The following TG variants were observed in gnomAD, a reference collection of about 807,000 sequenced individuals.
TG encodes thyroglobulin, also known as thyroid hormones.
A neutral mutation model predicts 324.7 loss-of-function variants in TG; 270 were observed. The ratio of observed to expected loss-of-function variants is 0.83; its 90% confidence interval spans 0.75 to 0.92. The LOEUF is 0.92. TG is among the 40% of genes least tolerant of loss of function. The pLI, the probability that TG is intolerant of heterozygous loss-of-function variation, is 0.00. For synonymous variants in TG, 1,401 were observed against 1,327.0 expected (o/e 1.06, Z -1.21); for missense variants, 3,591 against 3,456.4 (o/e 1.04, Z -0.98).
chr8:132,867,321 C>G (rs1297988201), intron 1 of TG, among the ~76,000 whole-genome samples: 1 of 152,072 alleles, frequency 6.6e-6, no homozygotes, highest in Non-Finnish European at 1.5e-5. Context: ...ATTCTAGGTC[C>G]TCCTCACCCC....
chr8:132,867,562 A>G (rs1351512495), intron 1 of TG, among the ~76,000 whole-genome samples: 1 of 151,302 alleles, frequency 6.6e-6, no homozygotes, highest in African/African-American at 2.4e-5. Context: ...GTAAACAAAT[A>G]ACACACACCT....
chr8:133,050,081 G>A, intron 41 of TG: 2 of 853,436 alleles, frequency 2.3e-6, no homozygotes, highest in Admixed American at 3.5e-5. Context: ...ACCCAGGACA[G>A]TTTGGAACAT....
rs148827261 is a variant in TG, at chr8:133,034,557, C to T, written c.7239+4534C>T. ...TTCCTCGTTATTCTGCAAATAATGG[C>T]GGGTTTATTTCTATACCTATTGAAG... On this transcript the variant is annotated intron_variant, in intron 41 of 47. Coordinates refer to ENST00000220616, the MANE Select transcript of TG (RefSeq NM_003235.5). Among the ~76,000 whole-genome samples the T allele has an allele frequency of 5.3e-5, 8 of 152,194 alleles. No individual in the cohort carries two copies. In the East Asian group the frequency reaches 1.2e-3, roughly 22 times the overall value.
intron 40 of TG, among the ~76,000 whole-genome samples, chr8:133,027,399 C>T (rs920706277): frequency 1.1e-4 from 17 of 152,188 alleles, no homozygotes; most frequent in Admixed American, 2.0e-4. Flanking sequence ...TGGTGTCTTG[C>T]CCCTGGGCCC....
chr8:132,905,980 A>C (rs1033631150), intron 16 of TG, among the ~76,000 whole-genome samples: 5 of 152,122 alleles, frequency 3.3e-5, no homozygotes, highest in Non-Finnish European at 7.4e-5. Context: ...ATGAGAGTGA[A>C]GAGGAAGGCA....
intron 45 of TG, among the ~76,000 whole-genome samples, chr8:133,123,775 G>A (rs568836660): frequency 2.0e-4 from 30 of 152,300 alleles, no homozygotes; most frequent in African/African-American, 3.4e-4. Context: ...AGAGAGCACC[G>A]GTTTGTTCTC....
chr8:133,021,516 G>T (rs1835561900), intron 39 of TG, among the ~76,000 whole-genome samples: 1 of 152,172 alleles, frequency 6.6e-6, no homozygotes, highest in African/African-American at 2.4e-5. Flanking sequence ...TTTAATAGTT[G>T]CTCAGGCTGC....
At chr8:132,879,643 C>T (rs1026742843) in intron 5 of TG, among the ~76,000 whole-genome samples, 1 of 152,184 alleles carries the variant, frequency 6.6e-6, no homozygotes, top group Non-Finnish European at 1.5e-5. Flanking sequence ...AAGAACAGCC[C>T]TAGAGAGCCC....
intron 10 of TG, among the ~76,000 whole-genome samples, chr8:132,890,206 A>G (rs1816032486): frequency 6.6e-6 from 1 of 152,136 alleles, no homozygotes; most frequent in African/African-American, 2.4e-5. Context: ...ATCTCTATTC[A>G]GTATTTCCTA....
intron 41 of TG, among the ~76,000 whole-genome samples, chr8:133,071,702 A>G (rs568808205): frequency 6.6e-6 from 1 of 152,208 alleles, no homozygotes; most frequent in Admixed American, 6.5e-5. Flanking sequence ...TTCAGCTCCC[A>G]GGGTTAGTGG....
chr8:133,115,853 A>C (rs1206684261), intron 44 of TG, among the ~76,000 whole-genome samples: 1 of 152,226 alleles, frequency 6.6e-6, no homozygotes, highest in African/African-American at 2.4e-5. Flanking sequence ...GCTGCTTCTG[A>C]AATCGATTCA....
chr8:132,999,561 C>G (rs1833245333), intron 35 of TG, among the ~76,000 whole-genome samples: 1 of 152,164 alleles, frequency 6.6e-6, no homozygotes, highest in South Asian at 2.1e-4. Context: ...TGGGTTCATG[C>G]TCTCTCTCAG....
At chr8:133,124,236 C>T (rs954913925) in intron 45 of TG, among the ~76,000 whole-genome samples, 15 of 152,316 alleles carry the variant, frequency 9.8e-5, no homozygotes, top group African/African-American at 3.6e-4. Flanking sequence ...GAATTGTGTG[C>T]TGCATCTGGG....
At chr8:132,989,796 G>C (rs1832075165) in intron 35 of TG, among the ~76,000 whole-genome samples, 1 of 152,144 alleles carries the variant, frequency 6.6e-6, no homozygotes, top group Non-Finnish European at 1.5e-5. Flanking sequence ...GTCAGCACCG[G>C]CGGGAAGCAT....
intron 41 of TG, chr8:133,050,832 G>A: frequency 6.2e-7 from 1 of 1,609,820 alleles, no homozygotes; most frequent in Non-Finnish European, 8.5e-7. Flanking sequence ...ATCACACGCA[G>A]TTTCTCCCCT....
intron 27 of TG, among the ~76,000 whole-genome samples, chr8:132,957,570 A>C (rs1827075402): frequency 6.6e-6 from 1 of 152,104 alleles, no homozygotes; most frequent in African/African-American, 2.4e-5. Flanking sequence ...TGAAATACTC[A>C]CCACCAATTC....
intron 35 of TG, among the ~76,000 whole-genome samples, chr8:133,005,677 G>A (rs994981324): frequency 5.9e-5 from 9 of 152,192 alleles, no homozygotes; most frequent in Admixed American, 2.6e-4. Flanking sequence ...CTGCTTTACT[G>A]TGTCCCATTT....
intron 35 of TG, among the ~76,000 whole-genome samples, chr8:132,986,571 G>A (rs998694959): frequency 3.3e-5 from 5 of 152,020 alleles, no homozygotes; most frequent in Non-Finnish European, 7.4e-5. Flanking sequence ...CAACAATATT[G>A]TTAACAGAGA....
intron 37 of TG, among the ~76,000 whole-genome samples, chr8:133,014,018 A>G (rs1175713985): frequency 6.6e-6 from 1 of 152,224 alleles, no homozygotes; most frequent in East Asian, 1.9e-4. Context: ...TCAAAAGCCC[A>G]CTTTTTATTA....
Sources: allele counts gnomAD v4.1 joint callset (sites outside exome capture counted in the v4.1 genomes callset), GRCh38; gene constraint gnomAD v4.1.1; transcripts MANE v1.5; gene names NCBI Gene and HGNC (gene_info 2026-07-23, HGNC 2026-07-21).